The following SCN2A variants were observed in gnomAD, a reference collection of about 807,000 sequenced individuals.
SCN2A encodes the protein sodium voltage-gated channel alpha subunit 2.
A neutral mutation model predicts 188.7 loss-of-function variants in SCN2A; 20 were observed. The ratio of observed to expected loss-of-function variants is 0.11; its 90% CI spans 0.07 to 0.15. SCN2A has a LOEUF of 0.15. Among genes scored for constraint, SCN2A ranks in the 10% least tolerant of loss-of-function variants. SCN2A has a pLI of 1.00. For missense variants in SCN2A, 1,278 were observed against 2,445.0 expected (o/e 0.52, Z 10.07); for synonymous variants, 804 against 833.1 (o/e 0.97, Z 0.60).
At chr2:165,242,513 T>G (rs1465221248) in intron 1 of SCN2A, among the ~76,000 whole-genome samples, 3 of 152,290 alleles carry the variant, frequency 2.0e-5, no homozygotes, top group Admixed American at 2.0e-4. Context: ...CATAAATTAA[T>G]TTTAAGAGAA....
chr2:165,284,320 G>A (rs138969073), intron 1 of SCN2A, among the ~76,000 whole-genome samples: 1,770 of 151,964 alleles, frequency 0.012, 33 homozygotes, highest in African/African-American at 0.041. Flanking sequence ...ACAGGTGCCC[G>A]CCACCACACC....
chr2:165,322,074 A>T (rs1698102533), intron 11 of SCN2A, among the ~76,000 whole-genome samples: 1 of 152,242 alleles, frequency 6.6e-6, no homozygotes, highest in African/African-American at 2.4e-5. Context: ...AGCTCAAGAC[A>T]TGTTACCATG....
chr2:165,254,183 GT>G (rs1298318545), intron 1 of SCN2A, among the ~76,000 whole-genome samples: 3 of 151,566 alleles, frequency 2.0e-5, no homozygotes, highest in African/African-American at 7.3e-5. Flanking sequence ...TGTGATATCT[GT>G]TAGATGACTT....
rs1693527735 is a variant in SCN2A at position 165,239,554 on chromosome 2, A to C, written c.-138A>C. 1.2e-6 allele frequency: 1 copy of C among 864,990 alleles called. No homozygotes were observed. Among genetic ancestry groups the C allele is most frequent in the Admixed American group, 6.2e-5 (1 of 16,110 alleles). The allele number at this position is 864,990 out of a possible 1,614,324, so 53.6% of individuals were successfully genotyped here. ...GTGAGATTTTACTTTCTACTCCAGTAAAAATTCTGAAGAATTGCATTGGAG... is the reference window on the plus strand; with the variant it reads ...GTGAGATTTTACTTTCTACTCCAGTCAAAATTCTGAAGAATTGCATTGGAG... On this transcript the variant is annotated 5_prime_UTR_variant, in exon 1 of 27. An upstream open reading frame in the 5' UTR loses its in-frame stop. Transcript: ENST00000375437.
At chr2:165,349,409 C>T (rs950715008) in intron 16 of SCN2A, among the ~76,000 whole-genome samples, 3 of 152,126 alleles carry the variant, frequency 2.0e-5, no homozygotes, top group Non-Finnish European at 4.4e-5. Flanking sequence ...CAGAAATATA[C>T]GTAGCAGGAG....
In SCN2A at chr2:165,388,958, G is replaced by A. The variant is rs1553463525; in HGVS notation, c.5152G>A (p.Gly1718Arg). 1 of 1,614,090 alleles carries A rather than the reference G, an allele frequency of 6.2e-7. No individual in the cohort carries two copies. Among genetic ancestry groups the A allele is most frequent in the East Asian group, 2.2e-5 (1 of 44,874 alleles). Residue 1718 changes from glycine (G) to arginine (R), a missense_variant, in exon 27 of 27, where the codon GGA (glycine) becomes AGA (arginine). Around this residue, in one of 17 missense-constraint regions of SCN2A, gnomAD observed 47 missense variants for 109.0 expected, o/e 0.43. Transcript: ENST00000375437. ...AATTACAACCTCTGCTGGCTGGGAT[G>A]GATTGCTAGCACCTATTCTTAATAG... ...FQITTSAGWD[G>R]LLAPILNSGP...
In SCN2A at chr2:165,379,880, C is replaced by T. The variant is rs555701932; in HGVS notation, c.4309-712C>T. Reference sequence around the variant, plus strand: ...GACCTGTGAAAGCTTACAGCTAAGGCGCAAACCTACTATCACACAGTTTTC... The same window carrying T: ...GACCTGTGAAAGCTTACAGCTAAGGTGCAAACCTACTATCACACAGTTTTC... On this transcript the variant is annotated intron_variant, in intron 23 of 26. Transcript: ENST00000375437. Among the ~76,000 whole-genome samples, 17 of 151,702 alleles carry T rather than the reference C, an allele frequency of 1.1e-4. No individual in the cohort carries two copies. The South Asian group carries it at 2.9e-3, about 26-fold the overall frequency.
At chr2:165,287,394 T>C (rs947555455) in intron 1 of SCN2A, among the ~76,000 whole-genome samples, 1 of 152,138 alleles carries the variant, frequency 6.6e-6, no homozygotes, top group African/African-American at 2.4e-5. Flanking sequence ...CAGTAGAGTG[T>C]TCCTGAGAAG....
intron 14 of SCN2A, among the ~76,000 whole-genome samples, chr2:165,341,362 G>C (rs1699309609): frequency 1.3e-5 from 2 of 151,168 alleles, no homozygotes; most frequent in Admixed American, 1.3e-4. Flanking sequence ...CAAAGTGCTG[G>C]GATTACAGGC....
intron 14 of SCN2A, among the ~76,000 whole-genome samples, chr2:165,332,837 C>G (rs2163708): frequency 1.3e-5 from 2 of 151,772 alleles, no homozygotes; most frequent in African/African-American, 2.4e-5. Context: ...GGAACTAGTT[C>G]TAGGTTCTAA....
At chr2:165,244,299 CCT>C (rs1693751297) in intron 1 of SCN2A, among the ~76,000 whole-genome samples, 1 of 151,952 alleles carries the variant, frequency 6.6e-6, no homozygotes, top group East Asian at 1.9e-4. Context: ...TAAAAGCTGA[CCT>C]CTCTATAACA....
At chr2:165,354,693 G>A (rs1700093163) in intron 17 of SCN2A, 22 bp downstream of exon 17, 1 of 1,609,586 alleles carries the variant, frequency 6.2e-7, no homozygotes, top group Admixed American at 1.7e-5. Context: ...TAAATAAGGA[G>A]ATATTTTGGT....
chr2:165,265,592 A>C (rs916912542), intron 1 of SCN2A, among the ~76,000 whole-genome samples: 5 of 144,644 alleles, frequency 3.5e-5, no homozygotes, highest in Non-Finnish European at 4.5e-5. Context: ...AATATTGAAC[A>C]TTAAAATATT....
intron 20 of SCN2A, chr2:165,372,079 A>G (rs1017402603): frequency 6.6e-6 from 1 of 152,204 alleles, no homozygotes; most frequent in Non-Finnish European, 1.5e-5. Context: ...CTGTCTTCAG[A>G]GAAGGTAAAG....
At chr2:165,321,744 A>G (rs1270773356) in intron 11 of SCN2A, among the ~76,000 whole-genome samples, 1 of 152,104 alleles carries the variant, frequency 6.6e-6, no homozygotes. Flanking sequence ...TGATTCAACT[A>G]TTTCCCACCA....
At chr2:165,326,702 A>G in intron 12 of SCN2A, 150 bp from the exon 13 acceptor site, 7 of 1,007,466 alleles carry the variant, frequency 6.9e-6, no homozygotes, top group Non-Finnish European at 7.4e-6. Flanking sequence ...ACAACCCCCA[A>G]AGAATTATCA....
At chr2:165,251,119 G>A (rs1334745279) in intron 1 of SCN2A, among the ~76,000 whole-genome samples, 2 of 151,950 alleles carry the variant, frequency 1.3e-5, no homozygotes, top group African/African-American at 2.4e-5. Flanking sequence ...ACAGGAAAAC[G>A]TTTCAGAACC....
intron 1 of SCN2A, chr2:165,243,912 G>A (rs992556652): frequency 2.0e-5 from 3 of 152,070 alleles, no homozygotes; most frequent in African/African-American, 7.2e-5. Flanking sequence ...ATTAGGAAAA[G>A]ATAACTTGCA....
At chr2:165,322,197 A>G (rs953269576) in intron 11 of SCN2A, among the ~76,000 whole-genome samples, 3 of 152,176 alleles carry the variant, frequency 2.0e-5, no homozygotes, top group African/African-American at 7.2e-5. Context: ...AAAAAGCACC[A>G]TTTCCTCAAC....
Sources: gnomAD v4.1 joint callset for allele counts (sites outside exome capture counted in the v4.1 genomes callset) on GRCh38, gnomAD v4.1.1 for gene constraint, gnomAD v4.1.1 regional missense constraint, MANE v1.5 for transcripts, NCBI Gene and HGNC (gene_info 2026-07-23, HGNC 2026-07-21) for gene names.